USP48: variants seen among roughly 807,000 people sequenced by gnomAD.
USP48 encodes ubiquitin carboxyl-terminal hydrolase 48.
USP48 carries 43 observed loss-of-function variants against 150.7 expected under a neutral mutation model. The ratio of observed to expected loss-of-function variants is 0.29; its 90% confidence interval spans 0.22 to 0.37. The LOEUF (loss-of-function observed/expected upper bound fraction) is 0.37. USP48 is among the 10% of genes least tolerant of loss of function. The probability of loss-of-function intolerance (pLI) is 1.00; values close to 1 mark genes in which losing one functional copy is unlikely to be tolerated. For synonymous variants in USP48, 396 were observed against 425.9 expected, an observed-to-expected ratio of 0.93 and a Z score of 0.86; for missense variants, 813 against 1,249.6, an observed-to-expected ratio of 0.65 and a Z score of 5.27.
At chr1:21,726,699 T>A (rs1485168780) in intron 11 of USP48, 2 of 152,212 alleles carry the variant, frequency 1.3e-5, no homozygotes, top group Non-Finnish European at 2.9e-5. Context: ...GGCAAAGTTT[T>A]TACACTACAG....
At chr1:21,714,301 G>A (rs1167195293) in intron 15 of USP48, among the ~76,000 whole-genome samples, 1 of 152,138 alleles carries the variant, frequency 6.6e-6, no homozygotes, top group African/African-American at 2.4e-5. Flanking sequence ...AAAGAGATGG[G>A]GTATCGCACG....
chr1:21,775,120 G>T (rs1240272203), intron 1 of USP48, among the ~76,000 whole-genome samples: 2 of 151,928 alleles, frequency 1.3e-5, no homozygotes, highest in African/African-American at 4.8e-5. Flanking sequence ...TTTGAGACAG[G>T]GTCTTGCTCT....
intron 14 of USP48, among the ~76,000 whole-genome samples, chr1:21,716,763 T>A (rs1258377266): frequency 1.3e-5 from 2 of 152,042 alleles, no homozygotes; most frequent in Non-Finnish European, 2.9e-5. Context: ...GCGTGGTGGC[T>A]CACGCCTGTA....
chr1:21,732,550 A>G, intron 9 of USP48: 1 of 167,886 alleles, frequency 6.0e-6, no homozygotes, highest in South Asian at 1.2e-4. Flanking sequence ...AAAATTTATA[A>G]CATACTTTCA....
intron 1 of USP48, among the ~76,000 whole-genome samples, chr1:21,774,381 T>C (rs2097891617): frequency 6.6e-6 from 1 of 151,786 alleles, no homozygotes; most frequent in South Asian, 2.1e-4. Context: ...TAAACATACA[T>C]AAGAATATTT....
At chr1:21,684,759 T>A (rs2097576167) in intron 25 of USP48, among the ~76,000 whole-genome samples, 1 of 152,222 alleles carries the variant, frequency 6.6e-6, no homozygotes, top group Non-Finnish European at 1.5e-5. Flanking sequence ...TTTTTCTGCA[T>A]ATCGATATCC....
chr1:21,693,370 G>C (rs2097609410), intron 23 of USP48, among the ~76,000 whole-genome samples: 1 of 152,168 alleles, frequency 6.6e-6, no homozygotes, highest in Admixed American at 6.5e-5. Flanking sequence ...CTCACATCTA[G>C]TTGAAGCTTC....
chr1:21,767,741 T>C (rs898007285), intron 1 of USP48, among the ~76,000 whole-genome samples: 4 of 152,042 alleles, frequency 2.6e-5, no homozygotes, highest in African/African-American at 9.7e-5. Context: ...AGAAGGAAAC[T>C]AGTTTACTTA....
intron 1 of USP48, among the ~76,000 whole-genome samples, chr1:21,777,047 G>A (rs1281728361): frequency 3.3e-5 from 5 of 151,992 alleles, no homozygotes; most frequent in East Asian, 1.9e-4. Flanking sequence ...CATGGGAGGC[G>A]GAGGTTGCAG....
At chr1:21,703,859 C>G (rs958700274) in intron 20 of USP48, among the ~76,000 whole-genome samples, 12 of 152,072 alleles carry the variant, frequency 7.9e-5, no homozygotes, top group African/African-American at 2.9e-4. Flanking sequence ...AGCCTCTCAG[C>G]GAGTAGCTCA....
intron 1 of USP48, among the ~76,000 whole-genome samples, chr1:21,779,627 G>T (rs1158566390): frequency 1.3e-5 from 2 of 151,802 alleles, no homozygotes; most frequent in Admixed American, 6.6e-5. Flanking sequence ...ATAACCAAGA[G>T]AAATAAAAAT....
At chr1:21,707,008 T>C in intron 15 of USP48, 140 bp from the exon 16 acceptor site, 1 of 1,010,564 alleles carries the variant, frequency 9.9e-7, no homozygotes, top group Non-Finnish European at 1.4e-6. Flanking sequence ...CTAGCTCTCT[T>C]TTCTTGTTTT....
intron 15 of USP48, among the ~76,000 whole-genome samples, chr1:21,712,593 A>G (rs1206958681): frequency 1.3e-5 from 2 of 151,782 alleles, no homozygotes; most frequent in Admixed American, 6.6e-5. Flanking sequence ...ATGCTGGCAG[A>G]TAACGTAACA....
intron 1 of USP48, among the ~76,000 whole-genome samples, chr1:21,768,943 G>T (rs962494710): frequency 6.6e-6 from 1 of 152,040 alleles, no homozygotes; most frequent in African/African-American, 2.4e-5. Context: ...GGGGTTACTA[G>T]CTTAAGCCAC....
Position 21,721,879 on chromosome 1 carries a change from T to C in USP48, c.1649-115A>G, listed in dbSNP as rs2097721760. ...ACATTCTAAACCAAAGTCACAAATG[T>C]TGGCAATATGGCAAATTGGTATATA... On this transcript the variant is annotated intron_variant, in intron 12 of 26. Coordinates refer to ENST00000308271, the MANE Select transcript of USP48 (RefSeq NM_032236.8). 18 of 670,110 alleles carry C rather than the reference T, an allele frequency of 2.7e-5. No homozygotes were observed. The South Asian group carries it at 5.8e-4, about 21-fold the overall frequency. 41.5% of individuals were successfully genotyped at this position (670,110 alleles called of 1,614,324 possible).
At chr1:21,703,292 T>G (rs72660376) in intron 21 of USP48, among the ~76,000 whole-genome samples, 31 of 152,316 alleles carry the variant, frequency 2.0e-4, no homozygotes, top group African/African-American at 6.7e-4. Flanking sequence ...ACAGCTGACA[T>G]TCAGTAAATA....
At chr1:21,721,583 G>C in intron 13 of USP48, 67 bp downstream of exon 13, 2 of 972,600 alleles carry the variant, frequency 2.1e-6, no homozygotes, top group Non-Finnish European at 2.9e-6. Flanking sequence ...TAAATAACGA[G>C]ATGCTTGGTT....
intron 9 of USP48, among the ~76,000 whole-genome samples, chr1:21,736,200 A>C (rs1571911281): frequency 6.6e-6 from 1 of 152,294 alleles, no homozygotes; most frequent in Non-Finnish European, 1.5e-5. Flanking sequence ...TGAGCCTAGC[A>C]GGTTTAGGCT....
chr1:21,708,905 AAGAAAAGAAAAG>A (rs2097682174), intron 15 of USP48, among the ~76,000 whole-genome samples: 1 of 22,304 alleles, frequency 4.5e-5, no homozygotes. Flanking sequence ...AAAAAAAAGA[AAGAAAAGAAAAG>A]AAAAGAAAAG....
Sources: allele counts gnomAD v4.1 joint callset (sites outside exome capture counted in the v4.1 genomes callset), GRCh38; gene constraint gnomAD v4.1.1; transcripts MANE v1.5; gene names NCBI Gene and HGNC (gene_info 2026-07-23, HGNC 2026-07-21).